Variants in PITHD1 observed in about 807,000 individuals in gnomAD.
PITHD1 encodes PITH domain-containing protein 1.
In PITHD1, 8 loss-of-function variants were observed where a neutral mutation model predicts 27.5. That is an observed-to-expected ratio of 0.29 (90% CI 0.17 to 0.52). PITHD1 has a LOEUF of 0.52. PITHD1 is among the 20% of genes least tolerant of loss of function. The pLI, the probability that PITHD1 is intolerant of heterozygous loss-of-function variation, is 0.96. For synonymous variants in PITHD1, 118 were observed against 106.8 expected, an observed-to-expected ratio of 1.10 and a Z score of -0.64; for missense variants, 233 against 283.9, an observed-to-expected ratio of 0.82 and a Z score of 1.29.
chr1:23,786,509 C>A, intron 5 of PITHD1, 86 bp downstream of exon 5: 1 of 516,310 alleles, frequency 1.9e-6, no homozygotes, highest in Non-Finnish European at 3.5e-6. Flanking sequence ...GGGAAAAGAG[C>A]AAGTGTCATA....
At position 23,785,614 on chromosome 1, in the gene PITHD1, T is replaced by G. The variant is rs1638671074; in HGVS notation, c.321-61T>G. On this transcript the variant is annotated intron_variant, in intron 3 of 5. Transcript: ENST00000246151. ...GCCATTTAAGCAGTCAGTAGAAAAT[T>G]TTGAAAACCTGAAACGTGATAATGC... The G allele has an allele frequency of 2.9e-6, 3 of 1,046,480 alleles. No homozygotes were observed. In the East Asian group the frequency reaches 7.3e-5, roughly 26 times the overall value. The allele number at this position is 1,046,480 out of a possible 1,614,324, so 64.8% of individuals were successfully genotyped here.
chr1:23,779,082 A>G (rs569282670), intron 1 of PITHD1, among the ~76,000 whole-genome samples: 90 of 152,238 alleles, frequency 5.9e-4, no homozygotes, highest in African/African-American at 1.8e-3. Context: ...ATATAGAGCA[A>G]ATGTTCTTTA....
At position 23,780,071 on chromosome 1, in the gene PITHD1, G is replaced by C. The variant is rs1449399468; in HGVS notation, c.320+130G>C. The C allele has an allele frequency of 6.2e-6, 4 of 649,534 alleles. No individual in the cohort carries two copies. The Admixed American group carries it at 1.1e-4, about 18-fold the overall frequency. 40.2% of individuals were successfully genotyped at this position (649,534 alleles called of 1,614,324 possible). A position where few individuals can be genotyped will look rare whatever the true frequency, so the allele number is the denominator to read the frequency against. On this transcript the variant is annotated intron_variant, in intron 3 of 5. Transcript: ENST00000246151. ...TCCCCTTTTAAAATATCTTGGTCCT[G>C]TTCTCATTCTGCATTGGAATACATA...
At chr1:23,779,083 A>AT (rs1326358695) in intron 1 of PITHD1, among the ~76,000 whole-genome samples, 1 of 152,136 alleles carries the variant, frequency 6.6e-6, no homozygotes, top group Non-Finnish European at 1.5e-5. Context: ...TATAGAGCAA[A>AT]TGTTCTTTAC....
chr1:23,783,257 G>C (rs1026637840), intron 3 of PITHD1, among the ~76,000 whole-genome samples: 1 of 150,232 alleles, frequency 6.7e-6, no homozygotes, highest in Non-Finnish European at 1.5e-5. Flanking sequence ...TCAGCCTCCC[G>C]AAGTGCTGGG....
chr1:23,782,114 A>C (rs1341282421), intron 3 of PITHD1, among the ~76,000 whole-genome samples: 1 of 152,202 alleles, frequency 6.6e-6, no homozygotes, highest in Non-Finnish European at 1.5e-5. Flanking sequence ...GAGGTGTTAC[A>C]TGTTACTAAA....
chr1:23,778,448 T>C lies in PITHD1; in HGVS notation c.-68T>C. On this transcript the variant is annotated 5_prime_UTR_variant, in exon 1 of 6. Coordinates refer to ENST00000246151, the MANE Select transcript of PITHD1 (RefSeq NM_020362.5). The stretch of plus-strand genomic sequence containing the variant: ...CCGGAGCTGAACGGCGCGGAGCTGG[T>C]CTGAGGCGAGCCGAGCCGAGCGAGC... 8.9e-7 allele frequency: 1 copy of C among 1,122,258 alleles called. No individual in the cohort carries two copies. Among genetic ancestry groups the C allele is most frequent in the Non-Finnish European group, 1.1e-6 (1 of 881,092 alleles). 69.5% of individuals were successfully genotyped at this position (1,122,258 alleles called of 1,614,324 possible).
intron 3 of PITHD1, among the ~76,000 whole-genome samples, chr1:23,780,370 G>T (rs1217028999): frequency 6.6e-6 from 1 of 152,130 alleles, no homozygotes; most frequent in Non-Finnish European, 1.5e-5. Context: ...ACCTGACTTT[G>T]CGTGGCATTT....
At chr1:23,783,663 C>T (rs761239870) in intron 3 of PITHD1, among the ~76,000 whole-genome samples, 11 of 151,786 alleles carry the variant, frequency 7.2e-5, no homozygotes, top group Admixed American at 3.9e-4. Flanking sequence ...CCATGTTGAC[C>T]AGGCAGCTCT....
rs1638703896 is a variant in PITHD1 at position 23,787,529 on chromosome 1, G to A, written c.*153G>A. 3.7e-6 allele frequency: 2 copies of A among 535,956 alleles called. No homozygotes were observed. The highest frequency in any genetic ancestry group is 3.2e-5 in the East Asian group (1 of 31,594). The allele number at this position is 535,956 out of a possible 1,614,324, so 33.2% of individuals were successfully genotyped here. Reference sequence around the variant, plus strand: ...GGCTTGCTGCAGAAACCTGGCCTACGGAAGATACGACACCACTGGGAGGGT... The same window carrying A: ...GGCTTGCTGCAGAAACCTGGCCTACAGAAGATACGACACCACTGGGAGGGT... On this transcript the variant is annotated 3_prime_UTR_variant, in exon 6 of 6. Transcript: ENST00000246151.
chr1:23,783,652 G>T (rs901370888), intron 3 of PITHD1, among the ~76,000 whole-genome samples: 1 of 151,232 alleles, frequency 6.6e-6, no homozygotes, highest in African/African-American at 2.4e-5. Context: ...ACAGGGTTTC[G>T]CCATGTTGAC....
chr1:23,787,016 A>G (rs1221408436), intron 5 of PITHD1, among the ~76,000 whole-genome samples: 3 of 152,140 alleles, frequency 2.0e-5, no homozygotes, highest in African/African-American at 7.2e-5. Context: ...TCCTATTCTC[A>G]TGGTACCCCC....
intron 1 of PITHD1, 148 bp downstream of exon 1, chr1:23,778,861 G>A (rs1638551583): frequency 8.9e-6 from 4 of 447,110 alleles, no homozygotes; most frequent in African/African-American, 2.0e-5. Context: ...TTTGGGAGGC[G>A]AGCAGCGTTG....
At chr1:23,780,470 C>A (rs1216613441) in intron 3 of PITHD1, among the ~76,000 whole-genome samples, 1 of 152,308 alleles carries the variant, frequency 6.6e-6, no homozygotes, top group African/African-American at 2.4e-5. Context: ...TATTCCAGAA[C>A]AGCCTTCCTA....
At chr1:23,781,314 T>C (rs1638598602) in intron 3 of PITHD1, among the ~76,000 whole-genome samples, 1 of 152,042 alleles carries the variant, frequency 6.6e-6, no homozygotes, top group South Asian at 2.1e-4. Flanking sequence ...AATACAAAAA[T>C]TAGCTGGGTG....
At chr1:23,784,234 CTTTT>C (rs774484769) in intron 3 of PITHD1, among the ~76,000 whole-genome samples, 5 of 81,436 alleles carry the variant, frequency 6.1e-5, no homozygotes, top group Non-Finnish European at 1.1e-4. Context: ...CATTTGCTTT[CTTTT>C]TTTTTTTTTT....
rs560081781 is a variant in PITHD1, at chr1:23,779,420, C to A, written c.199-18C>A. 1 of 1,605,350 alleles carries A rather than the reference C, an allele frequency of 6.2e-7. No individual in the cohort carries two copies. The highest frequency in any genetic ancestry group is 1.1e-5 in the South Asian group (1 of 90,874). Reference sequence around the variant, plus strand: ...AAATATTTGTTGCTTTCTCCTCCCCCCTCCCCATCCCCTCCAGTTTGTTGA... The same window carrying A: ...AAATATTTGTTGCTTTCTCCTCCCCACTCCCCATCCCCTCCAGTTTGTTGA... On this transcript the variant is annotated intron_variant, in intron 1 of 5. Coordinates refer to ENST00000246151, the MANE Select transcript of PITHD1 (RefSeq NM_020362.5).
intron 2 of PITHD1, 21 bp from the exon 3 acceptor site, chr1:23,779,843 T>A: frequency 5.6e-6 from 9 of 1,601,748 alleles, no homozygotes; most frequent in Non-Finnish European, 7.7e-6. Context: ...TTTGACAACC[T>A]TCTCTTTTGC....
rs1422258582 is a variant in PITHD1 at position 23,778,667 on chromosome 1, G to A, written c.152G>A (p.Gly51Asp). The change falls in exon 1 of 6, where the codon GGC becomes GAC. Residue 51 changes from glycine to aspartate, a missense_variant. Gly to Asp is a moderately conservative substitution (Grantham distance 94). Coordinates refer to ENST00000246151, the MANE Select transcript of PITHD1 (RefSeq NM_020362.5). The part of the protein sequence containing the change: ...QCLNESREGS[G>D]RGVFKPWEER... ...CTTAACGAGAGCCGCGAGGGCAGCG[G>A]CCGCGGCGTCTTCAAGCCGTGGGAG... 7.6e-7 allele frequency: 1 copy of A among 1,322,786 alleles called. No homozygotes were observed. The highest frequency in any genetic ancestry group is 2.2e-5 in the South Asian group (1 of 46,424). 81.9% of individuals were successfully genotyped at this position (1,322,786 alleles called of 1,614,324 possible). A position where few individuals can be genotyped will look rare whatever the true frequency, so the allele number is the denominator to read the frequency against.
Sources: allele counts gnomAD v4.1 joint callset (sites outside exome capture counted in the v4.1 genomes callset), GRCh38; gene constraint gnomAD v4.1.1; transcripts MANE v1.5; gene names NCBI Gene and HGNC (gene_info 2026-07-23, HGNC 2026-07-21).